EPHA4: variants seen among roughly 807,000 people sequenced by gnomAD.
EPHA4 encodes EPH receptor A4.
A neutral mutation model predicts 108.3 loss-of-function variants in EPHA4; 19 were observed. The ratio of observed to expected loss-of-function variants is 0.18; its 90% CI spans 0.12 to 0.26. The LOEUF is 0.26. EPHA4 is among the 10% of genes least tolerant of loss of function. The pLI, the probability that EPHA4 is intolerant of heterozygous loss-of-function variation, is 1.00. For synonymous variants in EPHA4, 449 were observed against 455.5 expected (o/e 0.99, Z 0.18); for missense variants, 917 against 1,254.0 (o/e 0.73, Z 4.06).
rs762036708 is a variant in EPHA4, at chr2:221,430,092, C to G, written c.2556G>C (p.Ala852=). Reference sequence around the variant, plus strand: ...AGCAGTCTAGCATCAGCTGGTGGAGCGCAATGGGGCAGTCCATTGGAGGGG... The same window carrying G: ...AGCAGTCTAGCATCAGCTGGTGGAGGGCAATGGGGCAGTCCATTGGAGGGG... ...RLPPPMDCPI[A]LHQLMLDCWQ... Residue 852 remains alanine (A), a synonymous_variant, in exon 15 of 18, where the codon GCG becomes GCC. Coordinates refer to ENST00000281821, the MANE Select transcript of EPHA4 (RefSeq NM_004438.5). The G allele has an allele frequency of 9.9e-6, 16 of 1,613,492 alleles. No homozygotes were observed. The highest frequency in any genetic ancestry group is 1.4e-5 in the Non-Finnish European group (16 of 1,179,962).
chr2:221,558,459 G>T (rs1694364455), intron 3 of EPHA4, among the ~76,000 whole-genome samples: 1 of 151,802 alleles, frequency 6.6e-6, no homozygotes. Context: ...AACTAGTAAA[G>T]TTCAGTTATG....
chr2:221,439,477 ATTTCT>A (rs1283309665), intron 11 of EPHA4, among the ~76,000 whole-genome samples: 13 of 151,120 alleles, frequency 8.6e-5, no homozygotes, highest in Non-Finnish European at 7.4e-5. Context: ...GCCTGGGTGA[ATTTCT>A]TTTCTTTTCT....
chr2:221,444,744 C>CTTTTTTTTT (rs71266317), intron 9 of EPHA4, among the ~76,000 whole-genome samples: 5 of 74,986 alleles, frequency 6.7e-5, no homozygotes, highest in Admixed American at 2.1e-4. Context: ...TTTTTTCTAT[C>CTTTTTTTTT]TTTTTTTTTT....
chr2:221,421,698 C>G (rs757559713), intron 17 of EPHA4, among the ~76,000 whole-genome samples: 1 of 152,214 alleles, frequency 6.6e-6, no homozygotes, highest in Non-Finnish European at 1.5e-5. Flanking sequence ...TAACAACCAA[C>G]TATCCAGATT....
At chr2:221,520,505 ACCAC>A (rs1258939271) in intron 3 of EPHA4, among the ~76,000 whole-genome samples, 4 of 60,284 alleles carry the variant, frequency 6.6e-5, no homozygotes, top group Non-Finnish European at 1.2e-4. Flanking sequence ...ATTTCCTCTA[ACCAC>A]ACACACACAC....
chr2:221,551,044 T>C (rs968258371), intron 3 of EPHA4, among the ~76,000 whole-genome samples: 6 of 152,090 alleles, frequency 3.9e-5, no homozygotes, highest in Non-Finnish European at 7.4e-5. Context: ...ATAAGGATGT[T>C]CACAATCTAC....
chr2:221,475,078 G>T (rs12620762), intron 5 of EPHA4, among the ~76,000 whole-genome samples: 79,334 of 151,924 alleles, frequency 0.52, 20,966 homozygotes, highest in Non-Finnish European at 0.56. Context: ...GCCATGTTGG[G>T]TAGGCTGGTC....
intron 3 of EPHA4, 193 bp from the exon 4 acceptor site, chr2:221,501,365 A>G (rs1368986864): frequency 2.2e-6 from 1 of 459,102 alleles, no homozygotes; most frequent in Non-Finnish European, 3.7e-6. Flanking sequence ...GGCCATTAAC[A>G]TTCCTGGTCA....
At chr2:221,551,389 T>A (rs572720526) in intron 3 of EPHA4, among the ~76,000 whole-genome samples, 2 of 152,242 alleles carry the variant, frequency 1.3e-5, no homozygotes, top group Non-Finnish European at 2.9e-5. Flanking sequence ...TCAACAATCC[T>A]TTTTGGGGAG....
intron 4 of EPHA4, among the ~76,000 whole-genome samples, chr2:221,494,105 A>G (rs563591251): frequency 1.3e-5 from 2 of 152,330 alleles, no homozygotes; most frequent in East Asian, 1.9e-4. Flanking sequence ...AGTTTCATCA[A>G]ACAAGTTAAA....
In EPHA4 at chr2:221,568,705, A is replaced by G; in HGVS notation, c.159+13T>C. 6.2e-7 allele frequency: 1 copy of G among 1,611,474 alleles called. No homozygotes were observed. The highest frequency in any genetic ancestry group is 8.5e-7 in the Non-Finnish European group (1 of 1,178,384). On this transcript the variant is annotated intron_variant, in intron 2 of 17. Transcript: ENST00000281821. ...TTTTTACCCTTTGGATCAGAGAGCA[A>G]CTCAGGACTTACCCCTCCTTCCAGA...
rs1036337467 is a variant in EPHA4, at chr2:221,568,745, C to G, written c.132G>C (p.Gly44=). ...LDSRSVQGEL[G]WIASPLEGGW... Reference sequence around the variant, plus strand: ...CTCCTTCCAGAGGGCTTGCTATCCACCCAAGTTCTCCCTGAACAGATCTGG... The same window carrying G: ...CTCCTTCCAGAGGGCTTGCTATCCAGCCAAGTTCTCCCTGAACAGATCTGG... Residue 44 remains glycine (G), a synonymous_variant, in exon 2 of 18, where the codon GGG becomes GGC. Transcript: ENST00000281821. The G allele has an allele frequency of 6.2e-7, 1 of 1,613,808 alleles. No individual in the cohort carries two copies. The highest frequency in any genetic ancestry group is 8.5e-7 in the Non-Finnish European group (1 of 1,179,892).
intron 2 of EPHA4, among the ~76,000 whole-genome samples, chr2:221,565,366 G>A (rs1694599448): frequency 6.6e-6 from 1 of 152,048 alleles, no homozygotes; most frequent in African/African-American, 2.4e-5. Flanking sequence ...AAAACTTTTG[G>A]GACTCCTACT....
In EPHA4 at chr2:221,426,573, C is replaced by T. The variant is rs1441906445; in HGVS notation, c.2737G>A (p.Val913Met). The change falls in exon 16 of 18, where the codon GTG becomes ATG. Residue 913 changes from valine (V) to methionine (M), a missense_variant. Val to Met is a conservative substitution (Grantham distance 21). Transcript: ENST00000281821. Reference protein sequence around the residue: ...LDPSSPEFSAVVSVGDWLQAI... With the variant: ...LDPSSPEFSAMVSVGDWLQAI... ...TGGAGCCAATCGCCCACTGATACCA[C>T]AGCAGAGAATTCAGGGGAGCTTGGA... 2 of 1,613,996 alleles carry T rather than the reference C, an allele frequency of 1.2e-6. No homozygotes were observed. Among genetic ancestry groups the T allele is most frequent in the East Asian group, 2.2e-5 (1 of 44,868 alleles).
chr2:221,484,533 G>C (rs868190525), intron 4 of EPHA4, among the ~76,000 whole-genome samples: 1 of 152,100 alleles, frequency 6.6e-6, no homozygotes, highest in African/African-American at 2.4e-5. Context: ...CTTCACATAA[G>C]TCCTCAGAGA....
rs1377489193 is a variant in EPHA4 at position 221,456,705 on chromosome 2, T to C, written c.1511A>G (p.Asn504Ser). 3 of 1,613,970 alleles carry C rather than the reference T, an allele frequency of 1.9e-6. No homozygotes were observed. The highest frequency in any genetic ancestry group is 8.5e-7 in the Non-Finnish European group (1 of 1,179,904). ...AARNTDIKGL[N>S]PLTSYVFHVR... The stretch of plus-strand genomic sequence containing the variant: ...GTGGAAAACATAGGAAGTGAGAGGG[T>C]TCAGGCCTTTGATATCTGTGTTCCT... The change falls in exon 7 of 18, where the codon AAC becomes AGC. Residue 504 changes from asparagine to serine, a missense_variant. Transcript: ENST00000281821.
At chr2:221,567,281 C>A (rs185301220) in intron 2 of EPHA4, among the ~76,000 whole-genome samples, 190 of 152,268 alleles carry the variant, frequency 1.2e-3, no homozygotes, top group African/African-American at 4.4e-3. Context: ...TACATTTTAA[C>A]CTACCAAGCA....
chr2:221,469,692 G>T (rs984138206), intron 5 of EPHA4, among the ~76,000 whole-genome samples: 3 of 152,094 alleles, frequency 2.0e-5, no homozygotes, highest in Admixed American at 2.0e-4. Flanking sequence ...AGCACCTGTC[G>T]ACTAAGACCT....
chr2:221,458,120 T>G (rs1691020383), intron 5 of EPHA4, 130 bp from the exon 6 acceptor site: 1 of 1,131,884 alleles, frequency 8.8e-7, no homozygotes, highest in Non-Finnish European at 1.2e-6. Context: ...CTTGACCATT[T>G]TACTCTTCAG....
Sources: gnomAD v4.1 joint callset for allele counts (sites outside exome capture counted in the v4.1 genomes callset) on GRCh38, gnomAD v4.1.1 for gene constraint, MANE v1.5 for transcripts, NCBI Gene and HGNC (gene_info 2026-07-23, HGNC 2026-07-21) for gene names.